RBFOX3: variants seen among roughly 807,000 people sequenced by gnomAD.
RBFOX3 encodes the protein RNA binding fox-1 homolog 3.
In RBFOX3, 17 loss-of-function variants were observed where a neutral mutation model predicts 48.7. The ratio of observed to expected loss-of-function variants is 0.35; its 90% CI spans 0.24 to 0.52. The LOEUF is 0.52. Among genes scored for constraint, RBFOX3 ranks in the 20% least tolerant of loss-of-function variants. RBFOX3 has a pLI of 0.94. For synonymous variants in RBFOX3, 212 were observed against 209.5 expected, an observed-to-expected ratio of 1.01 and a Z score of -0.10; for missense variants, 382 against 497.5, an observed-to-expected ratio of 0.77 and a Z score of 2.21.
At chr17:79,170,888 G>T (rs990330196) in intron 4 of RBFOX3, among the ~76,000 whole-genome samples, 2 of 152,158 alleles carry the variant, frequency 1.3e-5, no homozygotes, top group African/African-American at 4.8e-5. Flanking sequence ...GAACCCCCGT[G>T]AACCCACTCA....
intron 5 of RBFOX3, among the ~76,000 whole-genome samples, chr17:79,115,200 C>T (rs1349090751): frequency 3.9e-5 from 6 of 152,218 alleles, no homozygotes; most frequent in Non-Finnish European, 5.9e-5. Flanking sequence ...CAGGCCCAGG[C>T]GGCTGGAGGA....
intron 2 of RBFOX3, among the ~76,000 whole-genome samples, chr17:79,324,022 C>T (rs1014379289): frequency 3.3e-5 from 5 of 152,170 alleles, no homozygotes; most frequent in African/African-American, 1.2e-4. Context: ...AGATGGGAAG[C>T]CCGCTTCCTC....
chr17:79,181,124 C>T (rs905387618), intron 4 of RBFOX3, among the ~76,000 whole-genome samples: 13 of 152,218 alleles, frequency 8.5e-5, no homozygotes, highest in Non-Finnish European at 1.6e-4. Flanking sequence ...ACTCAGCCCT[C>T]ACATTCAGCC....
intron 4 of RBFOX3, among the ~76,000 whole-genome samples, chr17:79,209,722 G>C (rs924695450): frequency 6.6e-6 from 1 of 152,202 alleles, no homozygotes; most frequent in African/African-American, 2.4e-5. Flanking sequence ...GGCCGGGCGT[G>C]GTGGCTCATG....
the RBFOX3 span, among the ~76,000 whole-genome samples, chr17:79,664,449 C>A: frequency 1.3e-5 from 2 of 152,038 alleles, no homozygotes; most frequent in African/African-American, 2.4e-5. Context: ...GGGGTTCACG[C>A]CATTCTCCTG....
Position 79,482,484 on chromosome 17 carries a change from G to C in RBFOX3, c.-205C>G, listed in dbSNP as rs1257877775. ...AGTGGGAGGTGAGGTCTGCTTTGCT[G>C]AGCGGGGAGGCCCCAGTGGGGCTCC... On this transcript the variant is annotated 5_prime_UTR_variant, in exon 2 of 15. Coordinates refer to ENST00000693108, the MANE Select transcript of RBFOX3 (RefSeq NM_001350451.2). This position sits in a 1 kb window ranked among gnomAD's most constrained non-coding sequence, Gnocchi z 4.1. 28 of 152,408 alleles carry C rather than the reference G, an allele frequency of 1.8e-4. No individual in the cohort carries two copies. The highest frequency in any genetic ancestry group is 1.8e-3 in the Admixed American group (27 of 15,300). 9.4% of individuals were successfully genotyped at this position (152,408 alleles called of 1,614,324 possible).
chr17:79,129,491 C>G (rs754480970), intron 4 of RBFOX3, among the ~76,000 whole-genome samples: 3 of 151,856 alleles, frequency 2.0e-5, no homozygotes, highest in Non-Finnish European at 4.4e-5. Context: ...CCAAGCCCCC[C>G]AGGCTCCTGC....
chr17:79,446,432 G>A (rs1315087309), intron 2 of RBFOX3, among the ~76,000 whole-genome samples: 1 of 152,166 alleles, frequency 6.6e-6, no homozygotes, highest in African/African-American at 2.4e-5. Flanking sequence ...CACCCCTATT[G>A]AGGCAGGAGG....
chr17:79,350,283 C>T (rs55690331), intron 2 of RBFOX3, among the ~76,000 whole-genome samples: 2,529 of 152,274 alleles, frequency 0.017, 28 homozygotes, highest in Non-Finnish European at 0.026. Context: ...CTGCTGCTGT[C>T]CTTCCTCCTC....
intron 4 of RBFOX3, among the ~76,000 whole-genome samples, chr17:79,210,329 C>T (rs1462831561): frequency 6.6e-6 from 1 of 152,238 alleles, no homozygotes; most frequent in African/African-American, 2.4e-5. Flanking sequence ...TCTCTGGCTG[C>T]ATCTGCTCTT....
the RBFOX3 span, among the ~76,000 whole-genome samples, chr17:79,638,969 T>C: frequency 1.3e-5 from 2 of 152,098 alleles, no homozygotes; most frequent in African/African-American, 4.8e-5. Context: ...CAAGACAAAA[T>C]GGACTAAAAT....
the RBFOX3 span, among the ~76,000 whole-genome samples, chr17:79,656,618 A>G: frequency 2.8e-5 from 3 of 106,540 alleles, no homozygotes; most frequent in Non-Finnish European, 5.5e-5. Flanking sequence ...GAAAGGAAAG[A>G]AAGGAAGAGA....
Position 79,479,984 on chromosome 17 carries a change from C to A in RBFOX3, c.-175+2470G>T, listed in dbSNP as rs2095642213. Among the ~76,000 whole-genome samples, 1 of 152,100 alleles carries A rather than the reference C, an allele frequency of 6.6e-6. No homozygotes were observed. Among genetic ancestry groups the A allele is most frequent in the South Asian group, 2.1e-4 (1 of 4,822 alleles). On this transcript the variant is annotated intron_variant, in intron 2 of 14. Coordinates refer to ENST00000693108, the MANE Select transcript of RBFOX3 (RefSeq NM_001350451.2). The surrounding 1 kb of genome is among the most constrained non-coding windows in gnomAD (Gnocchi z 5.1). Reference sequence around the variant, plus strand: ...TGAGGCCAGCCCCAAACCTCGTGCCCTATACTCATTTTCTCAGACAGCCTG... The same window carrying A: ...TGAGGCCAGCCCCAAACCTCGTGCCATATACTCATTTTCTCAGACAGCCTG...
intron 2 of RBFOX3, among the ~76,000 whole-genome samples, chr17:79,315,696 T>A (rs2077446197): frequency 6.6e-6 from 1 of 152,200 alleles, no homozygotes; most frequent in South Asian, 2.1e-4. Context: ...ACAGCGACAG[T>A]TTCAAACCAA....
chr17:79,335,507 C>T (rs1394928194), intron 2 of RBFOX3, among the ~76,000 whole-genome samples: 1 of 152,214 alleles, frequency 6.6e-6, no homozygotes, highest in Non-Finnish European at 1.5e-5. Context: ...CTTGGCCATG[C>T]ACGGATCCTC....
the RBFOX3 span, among the ~76,000 whole-genome samples, chr17:79,620,151 G>GCA: frequency 0.013 from 979 of 77,702 alleles, 24 homozygotes; most frequent in East Asian, 0.046. Flanking sequence ...GCACACACAT[G>GCA]CACGCGCGGA....
At chr17:79,166,636 T>A (rs1243257287) in intron 4 of RBFOX3, among the ~76,000 whole-genome samples, 1 of 148,842 alleles carries the variant, frequency 6.7e-6, no homozygotes, top group Non-Finnish European at 1.5e-5. Context: ...CATGCACAGG[T>A]CGGAATGTAG....
chr17:79,484,580 G>A (rs973322831), intron 1 of RBFOX3, among the ~76,000 whole-genome samples: 4 of 150,876 alleles, frequency 2.7e-5, no homozygotes, highest in African/African-American at 9.8e-5. Flanking sequence ...CTGGGTGCAG[G>A]GGCCTGGGTG....
intron 1 of RBFOX3, among the ~76,000 whole-genome samples, chr17:79,607,901 T>C (rs1367277463): frequency 1.3e-5 from 2 of 152,154 alleles, no homozygotes; most frequent in African/African-American, 4.8e-5. Flanking sequence ...ACGCTCCAAG[T>C]TGAGTAAGTG....
Sources: allele counts gnomAD v4.1 joint callset (sites outside exome capture counted in the v4.1 genomes callset), GRCh38; gene constraint gnomAD v4.1.1; non-coding constraint Gnocchi (gnomAD v3.1); transcripts MANE v1.5; gene names NCBI Gene and HGNC (gene_info 2026-07-23, HGNC 2026-07-21).